FLT1: variants seen among roughly 807,000 people sequenced by gnomAD.
FLT1 encodes the protein fms related receptor tyrosine kinase 1.
In FLT1, 49 loss-of-function variants were observed where a neutral mutation model predicts 156.3. The ratio of observed to expected loss-of-function variants is 0.31; its 90% CI spans 0.25 to 0.40. The LOEUF (loss-of-function observed/expected upper bound fraction) is 0.40, where lower values mean the gene tolerates loss of function less well. Among genes scored for constraint, FLT1 ranks in the 10% least tolerant of loss-of-function variants. The pLI, the probability that FLT1 is intolerant of heterozygous loss-of-function variation, is 1.00. For synonymous variants in FLT1, 594 were observed against 583.8 expected, an observed-to-expected ratio of 1.02 and a Z score of -0.25; for missense variants, 1,322 against 1,637.2, an observed-to-expected ratio of 0.81 and a Z score of 3.32.
Position 28,385,006 on chromosome 13 carries a change from T to G in FLT1, c.1995A>C (p.Arg665=), listed in dbSNP as rs771272980. ...TGGCCACTGTGTGATCACTGAGGTT[T>G]CGCAGGAGGTATGGTGCTTCCTGAT... ...IRDQEAPYLL[R]NLSDHTVAIS... is the part of the protein sequence containing the mutation. Residue 665 remains arginine (R), a synonymous_variant, in exon 14 of 30, where the codon CGA becomes CGC. Coordinates refer to ENST00000282397, the MANE Select transcript of FLT1 (RefSeq NM_002019.4). 3.7e-6 allele frequency: 6 copies of G among 1,614,048 alleles called. No homozygotes were observed. The East Asian group carries it at 1.3e-4, about 36-fold the overall frequency.
chr13:28,383,914 A>G (rs1874197559), intron 14 of FLT1, among the ~76,000 whole-genome samples: 1 of 152,188 alleles, frequency 6.6e-6, no homozygotes, highest in South Asian at 2.1e-4. Flanking sequence ...TGCAAATACC[A>G]TGTCATACCA....
intron 16 of FLT1, among the ~76,000 whole-genome samples, chr13:28,344,309 C>T (rs964808212): frequency 5.3e-5 from 8 of 152,112 alleles, no homozygotes; most frequent in Non-Finnish European, 1.0e-4. Context: ...CTGTGTTCCC[C>T]CTCCCCTGCC....
chr13:28,464,390 C>A (rs1329922108), intron 3 of FLT1, among the ~76,000 whole-genome samples: 1 of 152,216 alleles, frequency 6.6e-6, no homozygotes, highest in Non-Finnish European at 1.5e-5. Context: ...CACTGCTCCC[C>A]GACAATCCCA....
rs1881698148 is a variant in FLT1 at position 28,495,080 on chromosome 13, C to T, written c.-237G>A. 6 of 463,132 alleles carry T rather than the reference C, an allele frequency of 1.3e-5. No homozygotes were observed. Among genetic ancestry groups the T allele is most frequent in the Admixed American group, 8.9e-5 (2 of 22,430 alleles). 28.7% of individuals were successfully genotyped at this position (463,132 alleles called of 1,614,324 possible). The stretch of plus-strand genomic sequence containing the variant: ...GCCGCCGCCGCTGCCGGGGAGGAGC[C>T]GAGAGGAGTGTCCGCCTGGCGCGCT... On this transcript the variant is annotated 5_prime_UTR_variant, in exon 1 of 30. Transcript: ENST00000282397. This position sits in a 1 kb window ranked among gnomAD's most constrained non-coding sequence, Gnocchi z 4.1.
At chr13:28,444,931 C>T (rs1878526806) in intron 3 of FLT1, among the ~76,000 whole-genome samples, 1 of 152,036 alleles carries the variant, frequency 6.6e-6, no homozygotes, top group South Asian at 2.1e-4. Flanking sequence ...GAAGAAACAT[C>T]TCAAATCAAT....
intron 3 of FLT1, among the ~76,000 whole-genome samples, chr13:28,464,566 G>C (rs1879751242): frequency 6.6e-6 from 1 of 152,262 alleles, no homozygotes; most frequent in East Asian, 1.9e-4. Flanking sequence ...CTGTACCAGG[G>C]AGGCACATTG....
At chr13:28,327,379 A>C (rs1244578145) in intron 20 of FLT1, 83 bp downstream of exon 20, 1 of 839,574 alleles carries the variant, frequency 1.2e-6, no homozygotes, top group African/African-American at 1.7e-5. Context: ...AACACAATAC[A>C]GGTTTCTCTT....
chr13:28,397,819 TTAAG>T (rs1875156629), intron 11 of FLT1, among the ~76,000 whole-genome samples: 3 of 151,334 alleles, frequency 2.0e-5, no homozygotes, highest in African/African-American at 7.3e-5. Flanking sequence ...TCTTAATAAA[TTAAG>T]TATCTATTCC....
chr13:28,485,928 C>CA (rs769727260), intron 1 of FLT1, among the ~76,000 whole-genome samples: 22 of 152,142 alleles, frequency 1.4e-4, no homozygotes, highest in Non-Finnish European at 2.9e-4. Flanking sequence ...AGGTGAGACC[C>CA]GAAGGGAAAC....
rs116486684 is a variant in FLT1 at position 28,438,251 on chromosome 13, C to T, written c.483G>A (p.Thr161=). 6.2e-5 allele frequency: 100 copies of T among 1,613,832 alleles called. No homozygotes were observed. In the East Asian group the frequency reaches 2.1e-3, roughly 33 times the overall value. ...GRELVIPCRV[T]SPNITVTLKK... is the part of the protein sequence containing the mutation. ...TTAAAGTAACAGTGATGTTAGGTGA[C>T]GTAACCCGGCAGGGAATGACGAGCT... is the stretch of plus-strand genomic sequence containing the variant. Residue 161 remains threonine (T), a synonymous_variant, in exon 4 of 30, where the codon ACG becomes ACA. Transcript: ENST00000282397.
chr13:28,345,576 G>A (rs1872535276), intron 15 of FLT1, 25 bp from the exon 16 acceptor site: 3 of 1,349,358 alleles, frequency 2.2e-6, no homozygotes, highest in Non-Finnish European at 3.2e-6. Flanking sequence ...AATCACAATA[G>A]TGGTGCAACA....
At chr13:28,438,701 G>T (rs1593793690) in intron 3 of FLT1, among the ~76,000 whole-genome samples, 1 of 152,206 alleles carries the variant, frequency 6.6e-6, no homozygotes, top group East Asian at 1.9e-4. Flanking sequence ...TATGCTAAGT[G>T]CCTCAGGAAG....
chr13:28,330,769 A>G (rs1342324003), intron 18 of FLT1, among the ~76,000 whole-genome samples: 1 of 150,484 alleles, frequency 6.6e-6, no homozygotes, highest in Non-Finnish European at 1.5e-5. Flanking sequence ...GCTGGCGTGC[A>G]TTGGTGCGAT....
intron 10 of FLT1, among the ~76,000 whole-genome samples, chr13:28,423,211 G>A (rs751248889): frequency 3.9e-5 from 6 of 152,096 alleles, no homozygotes; most frequent in Admixed American, 1.3e-4. Context: ...AACCCACAGG[G>A]CAGAACCACT....
rs1871174417 is a variant in FLT1 at position 28,315,678 on chromosome 13, TTAA to T, written c.3386+1817_3386+1819del. Among the ~76,000 whole-genome samples, 4 of 152,380 alleles carry T rather than the reference TTAA, an allele frequency of 2.6e-5. No homozygotes were observed. In the South Asian group the frequency reaches 6.2e-4, roughly 24 times the overall value. The stretch of plus-strand genomic sequence containing the variant: ...TATTTTGATGTAAAAATATTGTTAT[TTAA>T]TAATAACAACTATTAGTGTAATTGA... On this transcript the variant is annotated intron_variant, in intron 25 of 29. Transcript: ENST00000282397.
At chr13:28,494,580 T>C (rs535795624) in intron 1 of FLT1, among the ~76,000 whole-genome samples, 200 bp downstream of exon 1, 6 of 152,060 alleles carry the variant, frequency 3.9e-5, no homozygotes, top group African/African-American at 1.4e-4. Flanking sequence ...CAGCCACTCC[T>C]CGAGGCGCTC....
intron 8 of FLT1, 41 bp downstream of exon 8, chr13:28,430,009 A>C: frequency 7.6e-7 from 1 of 1,313,404 alleles, no homozygotes; most frequent in Non-Finnish European, 1.1e-6. Flanking sequence ...CCCACTTACA[A>C]AGTATGTCTT....
At chr13:28,375,449 A>C (rs1873801020) in intron 14 of FLT1, among the ~76,000 whole-genome samples, 1 of 151,678 alleles carries the variant, frequency 6.6e-6, no homozygotes, top group African/African-American at 2.4e-5. Flanking sequence ...GGCTGAGATG[A>C]GTGTTGTAGG....
At chr13:28,326,595 G>A (rs139285310) in intron 20 of FLT1, among the ~76,000 whole-genome samples, 21 of 145,928 alleles carry the variant, frequency 1.4e-4, no homozygotes, top group African/African-American at 4.6e-4. Flanking sequence ...GCTTGATCTC[G>A]GCTCACTGCA....
Sources: gnomAD v4.1 joint callset for allele counts (sites outside exome capture counted in the v4.1 genomes callset) on GRCh38, gnomAD v4.1.1 for gene constraint, Gnocchi (gnomAD v3.1) non-coding constraint, MANE v1.5 for transcripts, NCBI Gene and HGNC (gene_info 2026-07-23, HGNC 2026-07-21) for gene names.